Variants in ASH1L observed in about 807,000 individuals in gnomAD.
ASH1L encodes ASH1 like histone lysine methyltransferase, also known as histone-lysine N-methyltransferase ASH1L.
In ASH1L, 23 loss-of-function variants were observed where a neutral mutation model predicts 269.0. The observed-to-expected ratio is 0.09, with a 90% CI of 0.06 to 0.12. The LOEUF (loss-of-function observed/expected upper bound fraction) is 0.12. Among genes scored for constraint, ASH1L ranks in the 10% least tolerant of loss-of-function variants. The probability of loss-of-function intolerance (pLI) is 1.00; values close to 1 mark genes in which losing one functional copy is unlikely to be tolerated. For synonymous variants in ASH1L, 1,187 were observed against 1,253.5 expected, an observed-to-expected ratio of 0.95 and a Z score of 1.12; for missense variants, 2,912 against 3,567.8, an observed-to-expected ratio of 0.82 and a Z score of 4.68.
intron 1 of ASH1L, among the ~76,000 whole-genome samples, chr1:155,547,550 C>T (rs1670913389): frequency 6.6e-6 from 1 of 151,952 alleles, no homozygotes; most frequent in Non-Finnish European, 1.5e-5. Context: ...ATGTAGAAAC[C>T]TTATCTCTAC....
chr1:155,365,515 G>A (rs1655338464), intron 12 of ASH1L, among the ~76,000 whole-genome samples: 1 of 151,716 alleles, frequency 6.6e-6, no homozygotes, highest in Non-Finnish European at 1.5e-5. Context: ...GAGCCACCAT[G>A]CCTGGCATAT....
Position 155,378,524 on chromosome 1 carries a change from G to A in ASH1L, c.6202C>T (p.Leu2068=), listed in dbSNP as rs775858233. The change falls in exon 9 of 28, where the codon CTA becomes TTA. Residue 2068 remains leucine, a synonymous_variant. Transcript: ENST00000392403. The part of the protein sequence containing the change: ...NQLYKKPDVP[L]YKKIRSNVYV... ...TCACTTGAACGAATTTTCTTATATA[G>A]TGGGACATCTGGCTTTTTGTATAGC... 2 of 1,613,276 alleles carry A rather than the reference G, an allele frequency of 1.2e-6. No individual in the cohort carries two copies. The highest frequency in any genetic ancestry group is 2.2e-5 in the East Asian group (1 of 44,870).
chr1:155,494,329 G>A (rs778186469), intron 2 of ASH1L, among the ~76,000 whole-genome samples: 1 of 152,174 alleles, frequency 6.6e-6, no homozygotes, highest in Non-Finnish European at 1.5e-5. Flanking sequence ...TAATGTTGCA[G>A]GTGGTAGGAA....
chr1:155,503,717 C>T (rs1224900926), intron 2 of ASH1L, among the ~76,000 whole-genome samples: 1 of 152,170 alleles, frequency 6.6e-6, no homozygotes, highest in Non-Finnish European at 1.5e-5. Flanking sequence ...CCACCCTCTT[C>T]CCTGTAAGTC....
chr1:155,374,493 C>T (rs577722636), intron 10 of ASH1L, among the ~76,000 whole-genome samples: 7 of 152,184 alleles, frequency 4.6e-5, no homozygotes. Context: ...GAGAAAGTAT[C>T]GACTGGATTA....
rs1474017903 is a variant in ASH1L, at chr1:155,477,940, G to A, written c.4930C>T (p.Leu1644Phe). Residue 1644 changes from leucine (L) to phenylalanine (F), a missense_variant, in exon 3 of 28, where the codon CTT becomes TTT. This residue lies in a region of ASH1L where 789 missense variants were observed against 897.6 expected (regional missense o/e 0.88). Transcript: ENST00000392403. ...FSAQDTSLNR[L>F]HRKESLPSNE... ...GAAGGCAGTGACTCCTTTCTGTGAA[G>A]CCGATTTAGTGAAGTGTCCTGTGCA... 9 of 1,613,934 alleles carry A rather than the reference G, an allele frequency of 5.6e-6. No individual in the cohort carries two copies. Among genetic ancestry groups the A allele is most frequent in the East Asian group, 2.2e-5 (1 of 44,900 alleles).
Position 155,478,281 on chromosome 1 carries a change from T to G in ASH1L, c.4589A>C (p.His1530Pro). The change falls in exon 3 of 28, where the codon CAT becomes CCT. Residue 1530 changes from histidine to proline, a missense_variant. His to Pro is a moderately conservative substitution (Grantham distance 77, BLOSUM62 -2). Around this residue, in one of 13 missense-constraint regions of ASH1L, gnomAD observed 789 missense variants for 897.6 expected, o/e 0.88. Coordinates refer to ENST00000392403, the MANE Select transcript of ASH1L (RefSeq NM_018489.3). This position sits in a 1 kb window ranked among gnomAD's most constrained non-coding sequence, Gnocchi z 4.6. ...CATGTGACAACGGTGCTTTTCCTTA[T>G]GCTTATATCGCTCTCCAACAGCATC... The part of the protein sequence containing the change: ...GKDAVGERYK[H>P]KEKHRCHMSC... 6.2e-7 allele frequency: 1 copy of G among 1,614,162 alleles called. No individual in the cohort carries two copies. The highest frequency in any genetic ancestry group is 8.5e-7 in the Non-Finnish European group (1 of 1,180,034).
Position 155,354,587 on chromosome 1 carries a change from C to T in ASH1L, c.7099G>A (p.Glu2367Lys). 1 of 1,613,922 alleles carries T rather than the reference C, an allele frequency of 6.2e-7. No individual in the cohort carries two copies. The highest frequency in any genetic ancestry group is 1.7e-5 in the Admixed American group (1 of 59,950). Residue 2367 changes from glutamate to lysine, a missense_variant, in exon 16 of 28, where the codon GAG becomes AAG. Glu to Lys is a moderately conservative substitution (Grantham distance 56). Around this residue, in one of 13 missense-constraint regions of ASH1L, gnomAD observed 309 missense variants for 435.1 expected, o/e 0.71. Coordinates refer to ENST00000392403, the MANE Select transcript of ASH1L (RefSeq NM_018489.3). ...TCCTCCTGTTTTTGACGAATCTTCTCCCAGTTTCGGACCAAGAATACATGA... is the reference window on the plus strand; with the variant it reads ...TCCTCCTGTTTTTGACGAATCTTCTTCCAGTTTCGGACCAAGAATACATGA... ...KHHVFLVRNW[E>K]KIRQKQEEVK... is the part of the protein sequence containing the mutation.
At position 155,481,621 on chromosome 1, in the gene ASH1L, T is replaced by G. The variant is rs770995350; in HGVS notation, c.1249A>C (p.Ile417Leu). ...KLMSCPLAGL[I>L]SKDAINLKAE... ...TTAAGGTTTATGGCATCTTTACTGA[T>G]CAGACCTGCCAAAGGACAACTCATT... is the stretch of plus-strand genomic sequence containing the variant. The change falls in exon 3 of 28, where the codon ATC becomes CTC. Residue 417 changes from isoleucine to leucine, a missense_variant. Transcript: ENST00000392403. The G allele has an allele frequency of 3.1e-6, 5 of 1,614,046 alleles. No individual in the cohort carries two copies. In the African/African-American group the frequency reaches 5.3e-5, roughly 17 times the overall value.
At chr1:155,543,509 CAAAAAAA>C (rs34813767) in intron 1 of ASH1L, among the ~76,000 whole-genome samples, 2 of 57,456 alleles carry the variant, frequency 3.5e-5, no homozygotes, top group African/African-American at 1.4e-4. Flanking sequence ...GACTCTGTCT[CAAAAAAA>C]AAAAAAAAAA....
chr1:155,358,532 C>G (rs936960277), intron 13 of ASH1L, among the ~76,000 whole-genome samples: 8 of 151,550 alleles, frequency 5.3e-5, no homozygotes, highest in African/African-American at 1.9e-4. Context: ...AAAAAAAATA[C>G]AAAAAATTAG....
At chr1:155,477,277 CT>C (rs888608238) in intron 3 of ASH1L, among the ~76,000 whole-genome samples, 35 of 151,890 alleles carry the variant, frequency 2.3e-4, no homozygotes, top group African/African-American at 7.7e-4. Flanking sequence ...TTCCAGATTT[CT>C]TTTTTTTCTA....
At position 155,408,378 on chromosome 1, in the gene ASH1L, T is replaced by C. The variant is rs1020358013; in HGVS notation, c.6008+7366A>G. ...ATGGTACTGAAAGGGGCTAGAAGCA[T>C]GGCATCATAGCAGTAACAAATACCC... On this transcript the variant is annotated intron_variant, in intron 6 of 27. Coordinates refer to ENST00000392403, the MANE Select transcript of ASH1L (RefSeq NM_018489.3). Among the ~76,000 whole-genome samples the C allele has an allele frequency of 3.3e-5, 5 of 152,192 alleles. No individual in the cohort carries two copies. The East Asian group carries it at 7.7e-4, about 23-fold the overall frequency.
intron 2 of ASH1L, among the ~76,000 whole-genome samples, chr1:155,513,463 C>G (rs953547546): frequency 3.3e-5 from 5 of 150,178 alleles, no homozygotes; most frequent in Non-Finnish European, 5.9e-5. Context: ...CCGGTCTACT[C>G]AAGAGGCTGA....
intron 2 of ASH1L, among the ~76,000 whole-genome samples, chr1:155,488,773 G>A (rs12064545): frequency 1.4e-5 from 2 of 143,442 alleles, no homozygotes; most frequent in East Asian, 2.1e-4. Flanking sequence ...TGACTGATAA[G>A]AGTTATCACT....
chr1:155,515,759 C>T (rs186379058), intron 2 of ASH1L, among the ~76,000 whole-genome samples: 55 of 144,914 alleles, frequency 3.8e-4, no homozygotes, highest in Admixed American at 1.1e-3. Context: ...ACCCAGGAGG[C>T]GGAGGCTGCA....
chr1:155,482,475 A>G (rs1312880444), intron 2 of ASH1L, 26 bp from the exon 3 acceptor site: 4 of 1,581,552 alleles, frequency 2.5e-6, no homozygotes, highest in East Asian at 2.2e-5. Flanking sequence ...GAAAAAAGTT[A>G]AAGAGGGAGT....
At chr1:155,434,254 T>G in intron 5 of ASH1L, 1 of 1,600,926 alleles carries the variant, frequency 6.2e-7, no homozygotes, top group South Asian at 1.1e-5. Flanking sequence ...TCCCATGCAT[T>G]CAAACTGAGG....
At chr1:155,344,444 T>C (rs1653061457) in intron 21 of ASH1L, 171 bp from the exon 22 acceptor site, 1 of 555,782 alleles carries the variant, frequency 1.8e-6, no homozygotes, top group South Asian at 2.3e-5. Context: ...AAAGTGAAGG[T>C]AGAGGACAAA....
Sources: allele counts gnomAD v4.1 joint callset (sites outside exome capture counted in the v4.1 genomes callset), GRCh38; gene constraint gnomAD v4.1.1; regional missense constraint gnomAD v4.1.1; non-coding constraint Gnocchi (gnomAD v3.1); transcripts MANE v1.5; gene names NCBI Gene and HGNC (gene_info 2026-07-23, HGNC 2026-07-21).